The following CEP162 variants were observed in gnomAD, a reference collection of about 807,000 sequenced individuals.
CEP162 encodes centrosomal protein 162.
A neutral mutation model predicts 169.2 loss-of-function variants in CEP162; 141 were observed. The ratio of observed to expected loss-of-function variants is 0.83; its 90% CI spans 0.73 to 0.96. The LOEUF (loss-of-function observed/expected upper bound fraction) is 0.96, where lower values mean the gene tolerates loss of function less well. CEP162 is among the 40% of genes least tolerant of loss of function. The pLI is 0.00. For synonymous variants in CEP162, 540 were observed against 526.4 expected, an observed-to-expected ratio of 1.03 and a Z score of -0.35; for missense variants, 1,600 against 1,587.2, an observed-to-expected ratio of 1.01 and a Z score of -0.14.
intron 25 of CEP162, among the ~76,000 whole-genome samples, chr6:84,133,506 G>A (rs1382798607): frequency 1.3e-5 from 2 of 152,110 alleles, no homozygotes; most frequent in Admixed American, 6.5e-5. Context: ...GTTGCGGTGG[G>A]CTCCACCCAG....
Position 84,188,347 on chromosome 6 carries a change from T to C in CEP162, c.1110-1724A>G, listed in dbSNP as rs1235764299. 2.6e-5 allele frequency among the ~76,000 whole-genome samples: 4 copies of C among 152,090 alleles called. No individual in the cohort carries two copies. In the East Asian group the frequency reaches 5.8e-4, roughly 22 times the overall value. ...CTATTTCACACCCAGGTAATAAGCA[T>C]AGTACCCAATAGGTAGTTTTTCGAT... On this transcript the variant is annotated intron_variant, in intron 11 of 26. Coordinates refer to ENST00000403245, the MANE Select transcript of CEP162 (RefSeq NM_014895.4).
intron 6 of CEP162, among the ~76,000 whole-genome samples, chr6:84,211,526 C>CAAAAAAA (rs960472453): frequency 2.8e-5 from 1 of 35,562 alleles, no homozygotes; most frequent in African/African-American, 7.5e-5. Context: ...GATTCTATCT[C>CAAAAAAA]AAAAAAAAAA....
intron 7 of CEP162, 54 bp downstream of exon 7, chr6:84,203,927 G>T: frequency 9.6e-7 from 1 of 1,038,056 alleles, no homozygotes; most frequent in East Asian, 2.5e-5. Flanking sequence ...GCAATAGGCA[G>T]CCAGGTTGAG....
At chr6:84,186,039 A>G (rs1289186968) in intron 12 of CEP162, among the ~76,000 whole-genome samples, 2 of 152,138 alleles carry the variant, frequency 1.3e-5, no homozygotes, top group Admixed American at 1.3e-4. Context: ...TACAATGATG[A>G]ATAAACTTTT....
chr6:84,222,335 C>T (rs2099554033), intron 2 of CEP162, among the ~76,000 whole-genome samples: 1 of 152,208 alleles, frequency 6.6e-6, no homozygotes, highest in African/African-American at 2.4e-5. Flanking sequence ...AGTAGCATCA[C>T]TTCCTCCGGG....
At chr6:84,194,835 C>A in intron 10 of CEP162, 49 bp downstream of exon 10, 1 of 1,309,736 alleles carries the variant, frequency 7.6e-7, no homozygotes, top group East Asian at 2.3e-5. Context: ...ACTAAAAACT[C>A]TTTAGAAAGG....
In CEP162 at chr6:84,206,125, G is replaced by A. The variant is rs572277731; in HGVS notation, c.572-2029C>T. 3.6e-4 allele frequency among the ~76,000 whole-genome samples: 54 copies of A among 149,312 alleles called. 4 individuals carry two copies. The highest frequency in any genetic ancestry group is 1.1e-3 in the African/African-American group (44 of 38,704). On this transcript the variant is annotated intron_variant, in intron 6 of 26. Transcript: ENST00000403245. ...CTCATGGATAGGAAGAATCAATATC[G>A]TGAAAATGGCCATACTGCCCAAGGT...
At chr6:84,221,847 A>C (rs1362656720) in intron 2 of CEP162, among the ~76,000 whole-genome samples, 1 of 152,000 alleles carries the variant, frequency 6.6e-6, no homozygotes, top group Non-Finnish European at 1.5e-5. Flanking sequence ...CTCAGACAAC[A>C]CAATTCTTTC....
intron 6 of CEP162, among the ~76,000 whole-genome samples, chr6:84,209,253 A>T (rs2099548513): frequency 6.6e-6 from 1 of 152,192 alleles, no homozygotes; most frequent in Admixed American, 6.5e-5. Flanking sequence ...TTCTCAAAAG[A>T]TTAATGAGAT....
At chr6:84,147,565 A>ATTC (rs1429213316) in intron 24 of CEP162, among the ~76,000 whole-genome samples, 4 of 152,194 alleles carry the variant, frequency 2.6e-5, no homozygotes, top group Admixed American at 2.6e-4. Flanking sequence ...ATTATTACAC[A>ATTC]TTCTTTGCAT....
At chr6:84,206,260 A>C (rs1322256707) in intron 6 of CEP162, among the ~76,000 whole-genome samples, 1 of 149,202 alleles carries the variant, frequency 6.7e-6, no homozygotes, top group African/African-American at 2.6e-5. Flanking sequence ...CTGCATTACC[A>C]AGACAATCCT....
intron 9 of CEP162, among the ~76,000 whole-genome samples, chr6:84,196,241 C>A (rs2099542072): frequency 6.6e-6 from 1 of 152,110 alleles, no homozygotes; most frequent in African/African-American, 2.4e-5. Flanking sequence ...CTCATGAGAT[C>A]TGATGGTTTT....
chr6:84,184,524 T>C (rs1404349497), intron 13 of CEP162, among the ~76,000 whole-genome samples: 1 of 152,136 alleles, frequency 6.6e-6, no homozygotes, highest in Non-Finnish European at 1.5e-5. Context: ...TCTATCTTAA[T>C]CTCTCAGCAG....
At chr6:84,161,279 A>AGTTCTTT (rs2099525659) in intron 20 of CEP162, among the ~76,000 whole-genome samples, 1 of 152,216 alleles carries the variant, frequency 6.6e-6, no homozygotes, top group Non-Finnish European at 1.5e-5. Context: ...AAGAACCAGA[A>AGTTCTTT]GTTGAGGGAT....
intron 9 of CEP162, among the ~76,000 whole-genome samples, chr6:84,198,560 G>T (rs2099543123): frequency 6.6e-6 from 1 of 152,134 alleles, no homozygotes; most frequent in Non-Finnish European, 1.5e-5. Flanking sequence ...GATTACAGAT[G>T]GGAGCCATTG....
chr6:84,206,778 C>T (rs1415805484), intron 6 of CEP162, among the ~76,000 whole-genome samples: 2 of 152,196 alleles, frequency 1.3e-5, no homozygotes, highest in Non-Finnish European at 2.9e-5. Context: ...TCAGAGTGAA[C>T]AGGCCACCTA....
rs1588816701 is a variant in CEP162, at chr6:84,182,134, C to T, written c.1663+3053G>A. 2.0e-5 allele frequency among the ~76,000 whole-genome samples: 3 copies of T among 152,034 alleles called. No homozygotes were observed. The East Asian group carries it at 5.8e-4, about 29-fold the overall frequency. ...CTTATAAAATATTTTGTCCATTTAT[C>T]CACATCTGCCTCTCTACTTCCGTCC... On this transcript the variant is annotated intron_variant, in intron 13 of 26. Transcript: ENST00000403245.
intron 25 of CEP162, among the ~76,000 whole-genome samples, chr6:84,133,946 G>A (rs918506089): frequency 3.3e-5 from 5 of 152,212 alleles, no homozygotes; most frequent in Non-Finnish European, 7.3e-5. Flanking sequence ...AGTCGCTCAT[G>A]CTAGGAGCTG....
intron 18 of CEP162, among the ~76,000 whole-genome samples, chr6:84,168,828 A>G (rs1415528488): frequency 6.6e-6 from 1 of 152,226 alleles, no homozygotes; most frequent in African/African-American, 2.4e-5. Context: ...ATTGCATTTC[A>G]ACTTTATGTT....
Sources: allele counts gnomAD v4.1 joint callset (sites outside exome capture counted in the v4.1 genomes callset), GRCh38; gene constraint gnomAD v4.1.1; transcripts MANE v1.5; gene names NCBI Gene and HGNC (gene_info 2026-07-23, HGNC 2026-07-21).